Variants in NOMO2 observed in about 807,000 individuals in gnomAD.
NOMO2 encodes BOS complex subunit NOMO2.
A neutral mutation model predicts 67.1 loss-of-function variants in NOMO2; 14 were observed. The ratio of observed to expected loss-of-function variants is 0.21; its 90% CI spans 0.14 to 0.33. The LOEUF is 0.33. NOMO2 is among the 10% of genes least tolerant of loss of function. The pLI, the probability that NOMO2 is intolerant of heterozygous loss-of-function variation, is 1.00. For synonymous variants in NOMO2, 80 were observed against 305.9 expected (o/e 0.26, Z 7.71); for missense variants, 178 against 761.0 (o/e 0.23, Z 9.01).
intron 5 of NOMO2, among the ~76,000 whole-genome samples, chr16:18,547,730 T>C (rs1901684496): frequency 6.6e-6 from 1 of 151,446 alleles, no homozygotes; most frequent in African/African-American, 2.4e-5. Flanking sequence ...ACAGAACAGA[T>C]GCACAGGCTG....
chr16:18,545,470 G>C (rs1418117349), intron 6 of NOMO2, among the ~76,000 whole-genome samples: 1 of 151,676 alleles, frequency 6.6e-6, no homozygotes, highest in Non-Finnish European at 1.5e-5. Flanking sequence ...ACAGTAAGAA[G>C]AGACATCTAG....
At position 18,535,638 on chromosome 16, in the gene NOMO2, C is replaced by T. The variant is rs550707604; in HGVS notation, c.1221-2459G>A. ...CCCTCGCCTGCCAGCCGCCTGGGCC[C>T]GGCCACTACCATATCTCCTCCAGAC... On this transcript the variant is annotated intron_variant, in intron 11 of 30. Coordinates refer to ENST00000622306, the MANE Select transcript of NOMO2 (RefSeq NM_173614.4). Among the ~76,000 whole-genome samples the T allele has an allele frequency of 5.9e-5, 9 of 151,886 alleles. 1 individual carries two copies. The highest frequency in any genetic ancestry group is 4.2e-4 in the South Asian group (2 of 4,784).
At chr16:18,561,328 T>C (rs1387152649) in intron 1 of NOMO2, among the ~76,000 whole-genome samples, 39 of 151,440 alleles carry the variant, frequency 2.6e-4, no homozygotes, top group Middle Eastern at 3.4e-3. Context: ...TTTCCGGCCC[T>C]AGGGTTGCCA....
intron 1 of NOMO2, among the ~76,000 whole-genome samples, chr16:18,561,199 A>C (rs1407730248): frequency 1.4e-5 from 2 of 146,916 alleles, no homozygotes; most frequent in African/African-American, 5.0e-5. Flanking sequence ...AAAAAAAAAA[A>C]AAAAAAAACC....
chr16:18,534,678 GGACACATCACCTTGTC>G (rs1430548499), intron 11 of NOMO2, among the ~76,000 whole-genome samples: 1 of 33,664 alleles, frequency 3.0e-5, no homozygotes, highest in Non-Finnish European at 6.9e-5. Flanking sequence ...ACCTGTCAGA[GGACACATCACCTTGTC>G]TATTTCCTAT....
chr16:18,543,716 GA>G lies in NOMO2; in HGVS notation c.635del (p.Leu212ProfsTer2), dbSNP rs201342215. 4.5e-3 allele frequency: 7,189 copies of G among 1,609,694 alleles called. 1 individual carries two copies. The African/African-American group carries it at 0.081, about 18-fold the overall frequency. Reference sequence around the variant, plus strand: ...CAGACACATTGTAGCCAGCAACTATGAGGGGACTGGCCGCATTGGCATTGGA... The same window carrying G: ...CAGACACATTGTAGCCAGCAACTATGGGGGACTGGCCGCATTGGCATTGGA... ...TNSNANAASP[L>X]IVAGYNVSGS... On this transcript the variant is annotated frameshift_variant, in exon 7 of 31. Transcript: ENST00000622306. LOFTEE classifies it high-confidence loss of function.
At chr16:18,560,638 G>C (rs1902016720) in intron 1 of NOMO2, among the ~76,000 whole-genome samples, 2 of 151,710 alleles carry the variant, frequency 1.3e-5, no homozygotes, top group South Asian at 2.1e-4. Flanking sequence ...GCAAACAACG[G>C]GGCCTTGAAG....
rs1312955350 is a variant in NOMO2 at position 18,562,084 on chromosome 16, C to T, written c.-44G>A. The T allele has an allele frequency of 7.1e-7, 1 of 1,400,650 alleles. No individual in the cohort carries two copies. Among genetic ancestry groups the T allele is most frequent in the Non-Finnish European group, 9.2e-7 (1 of 1,082,684 alleles). The allele number at this position is 1,400,650 out of a possible 1,614,324, so 86.8% of individuals were successfully genotyped here. A position where few individuals can be genotyped will look rare whatever the true frequency, so the allele number is the denominator to read the frequency against. On this transcript the variant is annotated 5_prime_UTR_variant, in exon 1 of 31. Coordinates refer to ENST00000622306, the MANE Select transcript of NOMO2 (RefSeq NM_173614.4). Reference sequence around the variant, plus strand: ...TAGACCCACCGCCGGCAGCCGGGTCCCGCCCCTCACACTGCACGCCGCAGG... The same window carrying T: ...TAGACCCACCGCCGGCAGCCGGGTCTCGCCCCTCACACTGCACGCCGCAGG...
intron 3 of NOMO2, among the ~76,000 whole-genome samples, chr16:18,554,210 C>T (rs1901854186): frequency 6.6e-6 from 1 of 151,974 alleles, no homozygotes; most frequent in Admixed American, 6.6e-5. Context: ...AATTACGTGC[C>T]AGCCCCTCTG....
rs570382244 is a variant in NOMO2 at position 18,540,189 on chromosome 16, T to C, written c.964-1225A>G. Among the ~76,000 whole-genome samples, 650 of 150,008 alleles carry C rather than the reference T, an allele frequency of 4.3e-3. 4 individuals are homozygous for C. The highest frequency in any genetic ancestry group is 7.1e-3 in the Non-Finnish European group (477 of 67,400). On this transcript the variant is annotated intron_variant, in intron 9 of 30. Transcript: ENST00000622306. Reference sequence around the variant, plus strand: ...GACTTCCTTTTTATGCAGGGAGCCCTTCTTTTTTATTTTTTTATTTTTTTT... The same window carrying C: ...GACTTCCTTTTTATGCAGGGAGCCCCTCTTTTTTATTTTTTTATTTTTTTT...
At chr16:18,545,146 A>G (rs1901637632) in intron 6 of NOMO2, among the ~76,000 whole-genome samples, 1 of 148,164 alleles carries the variant, frequency 6.7e-6, no homozygotes, top group Non-Finnish European at 1.5e-5. Context: ...CCCAAGCTGA[A>G]GTGCAGTGGT....
chr16:18,526,786 G>C (rs1391194656), intron 16 of NOMO2, among the ~76,000 whole-genome samples: 1 of 151,986 alleles, frequency 6.6e-6, no homozygotes, highest in Non-Finnish European at 1.5e-5. Context: ...TTACATTGTG[G>C]GTGATGAACA....
At chr16:18,535,811 TTC>T (rs2141727627) in intron 11 of NOMO2, among the ~76,000 whole-genome samples, 1 of 152,132 alleles carries the variant, frequency 6.6e-6, no homozygotes, top group African/African-American at 2.4e-5. Flanking sequence ...TCTTTTTTTT[TTC>T]TGAGACGGAA....
chr16:18,553,719 T>A, intron 3 of NOMO2, among the ~76,000 whole-genome samples: 1 of 107,398 alleles, frequency 9.3e-6, no homozygotes, highest in Admixed American at 1.1e-4. Flanking sequence ...AACACAACAC[T>A]CCTCCAGGCC....
chr16:18,559,318 C>G (rs1901985079), intron 1 of NOMO2, among the ~76,000 whole-genome samples: 1 of 151,838 alleles, frequency 6.6e-6, no homozygotes, highest in African/African-American at 2.4e-5. Flanking sequence ...CTCAACCACT[C>G]TGAGGCTCAG....
rs1430267079 is a variant in NOMO2 at position 18,531,533 on chromosome 16, G to A, written c.1470C>T (p.Asp490=). The A allele has an allele frequency of 6.2e-7, 1 of 1,604,732 alleles. No homozygotes were observed. The highest frequency in any genetic ancestry group is 8.5e-7 in the Non-Finnish European group (1 of 1,176,986). ...CAAAGGCCACATCCATCACGGGCCT[G>A]TCGGTCACAGTAAGAGGAAATGTCT... is the stretch of plus-strand genomic sequence containing the variant. ...KPQTFPLTVT[D]RPVMDVAFVQ... The change falls in exon 13 of 31, where the codon GAC becomes GAT. Residue 490 remains aspartate (D), a synonymous_variant. Transcript: ENST00000622306.
chr16:18,561,260 G>A (rs1902043771), intron 1 of NOMO2, among the ~76,000 whole-genome samples: 1 of 147,846 alleles, frequency 6.8e-6, no homozygotes, highest in Non-Finnish European at 1.5e-5. Flanking sequence ...GGCAATCAGG[G>A]CAGCTGGCAA....
chr16:18,531,344 C>T, intron 13 of NOMO2, 122 bp downstream of exon 13: 2 of 1,490,486 alleles, frequency 1.3e-6, no homozygotes, highest in Non-Finnish European at 1.8e-6. Flanking sequence ...TCCAAGAAGC[C>T]TCCCTCGCAC....
intron 12 of NOMO2, among the ~76,000 whole-genome samples, chr16:18,532,794 A>C (rs1214718034): frequency 4.3e-5 from 5 of 117,438 alleles, no homozygotes; most frequent in Middle Eastern, 7.6e-3. Context: ...ATACTAATAA[A>C]CATCAAGACT....
Sources: allele counts gnomAD v4.1 joint callset (sites outside exome capture counted in the v4.1 genomes callset), GRCh38; gene constraint gnomAD v4.1.1; transcripts MANE v1.5; gene names NCBI Gene and HGNC (gene_info 2026-07-23, HGNC 2026-07-21).